Variants in LMBRD1 observed in about 807,000 individuals in gnomAD.
The protein encoded by LMBRD1 is lysosomal cobalamin transport escort protein LMBD1.
A neutral mutation model predicts 74.8 loss-of-function variants in LMBRD1; 64 were observed. That is an observed-to-expected ratio of 0.86 (90% CI 0.70 to 1.05). The LOEUF (loss-of-function observed/expected upper bound fraction) is 1.05, where lower values mean the gene tolerates loss of function less well. LMBRD1 is among the 50% of genes least tolerant of loss of function. The pLI, the probability that LMBRD1 is intolerant of heterozygous loss-of-function variation, is 0.00. For synonymous variants in LMBRD1, 204 were observed against 216.3 expected (o/e 0.94, Z 0.50); for missense variants, 652 against 645.9 (o/e 1.01, Z -0.10).
At chr6:69,681,306 TCAAA>T (rs1272767049) in intron 14 of LMBRD1, among the ~76,000 whole-genome samples, 1 of 151,948 alleles carries the variant, frequency 6.6e-6, no homozygotes, top group Non-Finnish European at 1.5e-5. Flanking sequence ...TCACATATCA[TCAAA>T]CAGAGAAATA....
chr6:69,697,486 T>A (rs1766027936), intron 14 of LMBRD1, 77 bp downstream of exon 14: 3 of 985,946 alleles, frequency 3.0e-6, no homozygotes, highest in Non-Finnish European at 4.9e-6. Flanking sequence ...AACAAATGCA[T>A]CAAATGATTA....
chr6:69,741,114 T>C (rs1001237541), intron 6 of LMBRD1, among the ~76,000 whole-genome samples: 19 of 152,114 alleles, frequency 1.2e-4, no homozygotes, highest in African/African-American at 4.3e-4. Context: ...TAATTAAAAA[T>C]AAAATCTAAT....
chr6:69,793,387 C>T (rs1373144279), intron 1 of LMBRD1, among the ~76,000 whole-genome samples: 2 of 152,140 alleles, frequency 1.3e-5, no homozygotes, highest in Non-Finnish European at 2.9e-5. Flanking sequence ...TGTTAAACTG[C>T]AGATCTGATT....
At chr6:69,795,754 C>A (rs1036229595) in intron 1 of LMBRD1, among the ~76,000 whole-genome samples, 1 of 152,192 alleles carries the variant, frequency 6.6e-6, no homozygotes, top group Non-Finnish European at 1.5e-5. Flanking sequence ...ACAAGAGGAT[C>A]CTTTTCTTAA....
At chr6:69,705,598 C>A (rs572469376) in intron 9 of LMBRD1, 76 of 1,037,338 alleles carry the variant, frequency 7.3e-5, no homozygotes, top group Non-Finnish European at 1.1e-4. Flanking sequence ...GATTTCTTCA[C>A]TGGTGATTTT....
chr6:69,786,892 A>C (rs2445976), intron 2 of LMBRD1, among the ~76,000 whole-genome samples: 87,319 of 152,012 alleles, frequency 0.57, 25,539 homozygotes, highest in East Asian at 0.73. Context: ...ACCTTAGAAG[A>C]CAAGTCCATA....
At chr6:69,701,991 A>C in intron 9 of LMBRD1, 38 bp from the exon 10 acceptor site, 1 of 1,277,428 alleles carries the variant, frequency 7.8e-7, no homozygotes, top group Non-Finnish European at 1.1e-6. Context: ...TATAGTTCTA[A>C]AAGTTGATAT....
At chr6:69,758,417 T>C (rs951398042) in intron 3 of LMBRD1, among the ~76,000 whole-genome samples, 7 of 152,190 alleles carry the variant, frequency 4.6e-5, no homozygotes, top group Admixed American at 2.6e-4. Flanking sequence ...TGCATATCTA[T>C]ACCCATTTCC....
intron 14 of LMBRD1, among the ~76,000 whole-genome samples, chr6:69,696,980 A>T (rs1019861051): frequency 2.0e-5 from 3 of 151,880 alleles, no homozygotes; most frequent in African/African-American, 7.2e-5. Flanking sequence ...TAATAAGAAT[A>T]CTATAACATT....
intron 3 of LMBRD1, among the ~76,000 whole-genome samples, chr6:69,773,537 T>C (rs1231914937): frequency 6.6e-6 from 1 of 152,184 alleles, no homozygotes; most frequent in African/African-American, 2.4e-5. Context: ...AAGTATGGCA[T>C]AGAAACTGGA....
chr6:69,777,319 G>A (rs1043179558), intron 3 of LMBRD1, among the ~76,000 whole-genome samples: 15 of 151,872 alleles, frequency 9.9e-5, no homozygotes, highest in African/African-American at 3.1e-4. Flanking sequence ...CGGGCGTGAT[G>A]ACATGTGCCT....
chr6:69,775,667 C>CA (rs1193946037), intron 3 of LMBRD1, among the ~76,000 whole-genome samples: 6 of 152,208 alleles, frequency 3.9e-5, no homozygotes, highest in Middle Eastern at 3.2e-3. Flanking sequence ...CTAGTGTCCA[C>CA]ATTTGCATAT....
rs1172251931 is a variant in LMBRD1, at chr6:69,674,580, T to G, written c.*1578A>C. On this transcript the variant is annotated 3_prime_UTR_variant, in exon 16 of 16. Coordinates refer to ENST00000649934, the MANE Select transcript of LMBRD1 (RefSeq NM_018368.4). ...TACTTCAATTTTCAAAATGTTACAG[T>G]TGAAGCAGTAATTTCTAGCTAAAAG... is the stretch of plus-strand genomic sequence containing the variant. Among the ~76,000 whole-genome samples the G allele has an allele frequency of 6.6e-6, 1 of 152,214 alleles. No homozygotes were observed. Among genetic ancestry groups the G allele is most frequent in the East Asian group, 1.9e-4 (1 of 5,198 alleles).
At chr6:69,726,754 C>G (rs1330907716) in intron 7 of LMBRD1, among the ~76,000 whole-genome samples, 1 of 136,230 alleles carries the variant, frequency 7.3e-6, no homozygotes, top group East Asian at 2.1e-4. Context: ...CAGTGGGAGG[C>G]AGGTAAGGAT....
At chr6:69,685,649 A>G (rs1050999926) in intron 14 of LMBRD1, among the ~76,000 whole-genome samples, 4 of 152,058 alleles carry the variant, frequency 2.6e-5, no homozygotes, top group African/African-American at 9.7e-5. Context: ...AAAAATACAA[A>G]AATTAGTTGG....
At chr6:69,679,878 TATTA>T (rs1356543465) in intron 14 of LMBRD1, among the ~76,000 whole-genome samples, 7 of 152,142 alleles carry the variant, frequency 4.6e-5, no homozygotes, top group African/African-American at 1.7e-4. Context: ...TGGCGCTTAA[TATTA>T]ATTTTCTTCC....
intron 9 of LMBRD1, among the ~76,000 whole-genome samples, chr6:69,710,724 A>G (rs1766364516): frequency 6.6e-6 from 1 of 152,194 alleles, no homozygotes. Flanking sequence ...AAAAGATGCT[A>G]AATATCATTT....
chr6:69,796,174 G>A (rs1395152652), intron 1 of LMBRD1, among the ~76,000 whole-genome samples: 1 of 152,160 alleles, frequency 6.6e-6, no homozygotes, highest in Non-Finnish European at 1.5e-5. Context: ...ACAGGTAGTA[G>A]TATATACTCC....
At chr6:69,750,191 T>C (rs1025640056) in intron 4 of LMBRD1, among the ~76,000 whole-genome samples, 1 of 150,730 alleles carries the variant, frequency 6.6e-6, no homozygotes, top group South Asian at 2.1e-4. Flanking sequence ...ATATAACATA[T>C]ATCATGCCAG....
Sources: allele counts gnomAD v4.1 joint callset (sites outside exome capture counted in the v4.1 genomes callset), GRCh38; gene constraint gnomAD v4.1.1; transcripts MANE v1.5; gene names NCBI Gene and HGNC (gene_info 2026-07-23, HGNC 2026-07-21).